TBC1D5: variants seen among roughly 807,000 people sequenced by gnomAD.
TBC1D5 encodes the protein TBC1 domain family, member 5.
A neutral mutation model predicts 100.3 loss-of-function variants in TBC1D5; 75 were observed. The observed-to-expected ratio is 0.75, with a 90% CI of 0.62 to 0.91. The LOEUF (loss-of-function observed/expected upper bound fraction) is 0.91, where lower values mean the gene tolerates loss of function less well. Among genes scored for constraint, TBC1D5 ranks in the 40% least tolerant of loss-of-function variants. The probability of loss-of-function intolerance (pLI) is 0.00; values close to 1 mark genes in which losing one functional copy is unlikely to be tolerated. For missense variants in TBC1D5, 910 were observed against 942.4 expected (o/e 0.97, Z 0.45); for synonymous variants, 323 against 325.6 (o/e 0.99, Z 0.09).
chr3:17,692,023 T>G (rs1034244647), intron 1 of TBC1D5, among the ~76,000 whole-genome samples: 1 of 152,022 alleles, frequency 6.6e-6, no homozygotes, highest in African/African-American at 2.4e-5. Flanking sequence ...GGAAAGAGCA[T>G]ACAGTAAGAA....
chr3:17,354,429 T>C (rs550598746), intron 13 of TBC1D5, among the ~76,000 whole-genome samples: 2 of 152,260 alleles, frequency 1.3e-5, no homozygotes, highest in South Asian at 4.1e-4. Flanking sequence ...TTAATATAAG[T>C]AACCACAGGA....
At chr3:17,170,854 C>T (rs898114415) in intron 19 of TBC1D5, among the ~76,000 whole-genome samples, 2 of 152,130 alleles carry the variant, frequency 1.3e-5, no homozygotes, top group African/African-American at 4.8e-5. Flanking sequence ...TAAGTGTGGG[C>T]ATTTGCTCAG....
At chr3:17,694,893 G>T in intron 1 of TBC1D5, among the ~76,000 whole-genome samples, 1 of 152,188 alleles carries the variant, frequency 6.6e-6, no homozygotes, top group Non-Finnish European at 1.5e-5. Context: ...ACTAACAGCG[G>T]ACCTCTCGGC....
chr3:17,560,891 A>G (rs2096554397), intron 2 of TBC1D5, among the ~76,000 whole-genome samples: 1 of 151,984 alleles, frequency 6.6e-6, no homozygotes, highest in African/African-American at 2.4e-5. Flanking sequence ...ACTGCACTCC[A>G]GCCTGGGCGA....
At chr3:17,406,661 G>A (rs920793515) in intron 4 of TBC1D5, 135 bp from the exon 5 acceptor site, 2 of 654,452 alleles carry the variant, frequency 3.1e-6, no homozygotes, top group Non-Finnish European at 5.0e-6. Context: ...GTTGTGTACT[G>A]TTTCTGAACG....
At chr3:17,231,456 G>C (rs1459546263) in intron 17 of TBC1D5, among the ~76,000 whole-genome samples, 1 of 151,710 alleles carries the variant, frequency 6.6e-6, no homozygotes, top group Non-Finnish European at 1.5e-5. Flanking sequence ...CCATATAACT[G>C]CTGTGTTAAA....
intron 1 of TBC1D5, chr3:17,699,967 AC>A (rs1384915983): frequency 2.0e-5 from 3 of 151,940 alleles, no homozygotes; most frequent in Non-Finnish European, 4.4e-5. Context: ...CCTGAGATAT[AC>A]CCCCTTCACC....
chr3:17,457,012 A>C (rs1189026528), intron 3 of TBC1D5, among the ~76,000 whole-genome samples: 3 of 152,140 alleles, frequency 2.0e-5, no homozygotes, highest in Non-Finnish European at 4.4e-5. Context: ...AGTGACTTTC[A>C]ATAGCAAAAA....
chr3:17,565,040 G>A (rs138177689), intron 2 of TBC1D5, among the ~76,000 whole-genome samples: 1,603 of 151,992 alleles, frequency 0.011, 12 homozygotes, highest in Non-Finnish European at 0.015. Flanking sequence ...TTAATGTTTG[G>A]AATAATTAGT....
At chr3:17,207,008 C>CACTGTA (rs1397922482) in intron 18 of TBC1D5, among the ~76,000 whole-genome samples, 1 of 152,124 alleles carries the variant, frequency 6.6e-6, no homozygotes, top group Admixed American at 6.5e-5. Context: ...AATCACAGCT[C>CACTGTA]ACTGTAGACT....
chr3:17,694,777 C>T (rs573778439), intron 1 of TBC1D5, among the ~76,000 whole-genome samples: 15 of 152,182 alleles, frequency 9.9e-5, no homozygotes, highest in Non-Finnish European at 2.1e-4. Context: ...AGAAGAGCAA[C>T]CCCAAGACAC....
intron 19 of TBC1D5, among the ~76,000 whole-genome samples, chr3:17,180,385 A>G (rs772156369): frequency 3.3e-5 from 5 of 152,238 alleles, no homozygotes; most frequent in Non-Finnish European, 7.3e-5. Context: ...TTTTTAACTG[A>G]AAGGATTTTC....
chr3:17,326,409 G>C (rs989568963), intron 13 of TBC1D5, among the ~76,000 whole-genome samples: 2 of 152,156 alleles, frequency 1.3e-5, no homozygotes, highest in Non-Finnish European at 1.5e-5. Flanking sequence ...CAGATGAAAA[G>C]AGTAAAATGT....
chr3:17,725,762 C>G (rs181977606), intron 1 of TBC1D5, among the ~76,000 whole-genome samples: 2 of 152,086 alleles, frequency 1.3e-5, no homozygotes, highest in African/African-American at 4.8e-5. Flanking sequence ...TTGTCATATA[C>G]GTAAACTGCA....
At chr3:17,161,851 T>C (rs181341220) in intron 21 of TBC1D5, among the ~76,000 whole-genome samples, 4 of 151,240 alleles carry the variant, frequency 2.6e-5, no homozygotes, top group Non-Finnish European at 5.9e-5. Context: ...CTAGCTCATC[T>C]TGGGTATGCA....
At chr3:17,716,869 C>T (rs1243255443) in intron 1 of TBC1D5, among the ~76,000 whole-genome samples, 1 of 151,946 alleles carries the variant, frequency 6.6e-6, no homozygotes, top group Non-Finnish European at 1.5e-5. Context: ...AGTGTTTGTT[C>T]TTGATCAAAG....
intron 4 of TBC1D5, among the ~76,000 whole-genome samples, chr3:17,422,608 T>C (rs1340554933): frequency 1.3e-5 from 2 of 152,192 alleles, no homozygotes; most frequent in Admixed American, 1.3e-4. Flanking sequence ...GCTTTTGCCC[T>C]ACTATCTCCT....
chr3:17,176,472 C>T (rs1288116894), intron 19 of TBC1D5, among the ~76,000 whole-genome samples: 1 of 152,136 alleles, frequency 6.6e-6, no homozygotes, highest in Non-Finnish European at 1.5e-5. Context: ...CCAAGTATGA[C>T]TATAATTGTT....
rs542628456 is a variant in TBC1D5 at position 17,667,677 on chromosome 3, C to T, written c.-100-43764G>A. ...ATGTTGCCCAGGCTGGTCTCAAACT[C>T]GTGGGCTCAAGCTATCTACCCGCCT... On this transcript the variant is annotated intron_variant, in intron 1 of 21. Coordinates refer to ENST00000253692, the Ensembl canonical transcript of TBC1D5. Among the ~76,000 whole-genome samples the T allele has an allele frequency of 5.9e-5, 9 of 152,072 alleles. No homozygotes were observed. In the East Asian group the frequency reaches 1.5e-3, roughly 26 times the overall value.
Sources: allele counts gnomAD v4.1 joint callset (sites outside exome capture counted in the v4.1 genomes callset), GRCh38; gene constraint gnomAD v4.1.1; transcripts MANE v1.5; gene names NCBI Gene and HGNC (gene_info 2026-07-23, HGNC 2026-07-21).